The following SCMH1 variants were observed in gnomAD, a reference collection of about 807,000 sequenced individuals.
SCMH1 encodes the protein Scm polycomb group protein homolog 1, also known as polycomb protein SCMH1.
A neutral mutation model predicts 70.8 loss-of-function variants in SCMH1; 37 were observed. The observed-to-expected ratio is 0.52, with a 90% CI of 0.40 to 0.69. SCMH1 has a LOEUF of 0.69. Among genes scored for constraint, SCMH1 ranks in the 30% least tolerant of loss-of-function variants. The pLI, the probability that SCMH1 is intolerant of heterozygous loss-of-function variation, is 0.00. For missense variants in SCMH1, 607 were observed against 827.3 expected (o/e 0.73, Z 3.27); for synonymous variants, 292 against 307.4 (o/e 0.95, Z 0.52).
chr1:41,073,710 G>C (rs1284083566), intron 9 of SCMH1, among the ~76,000 whole-genome samples: 1 of 151,464 alleles, frequency 6.6e-6, no homozygotes, highest in African/African-American at 2.4e-5. Context: ...TGCATATTCT[G>C]AATATTTCCC....
At chr1:41,042,433 G>T (rs1377811240) in intron 12 of SCMH1, among the ~76,000 whole-genome samples, 1 of 152,068 alleles carries the variant, frequency 6.6e-6, no homozygotes, top group Non-Finnish European at 1.5e-5. Context: ...ATTATTAGTA[G>T]AGACAGGGTT....
intron 10 of SCMH1, among the ~76,000 whole-genome samples, chr1:41,067,628 A>G (rs1279639379): frequency 1.3e-5 from 2 of 152,190 alleles, no homozygotes; most frequent in African/African-American, 4.8e-5. Flanking sequence ...TAAACAGATC[A>G]GTGGTTGCCA....
At chr1:41,128,291 A>G (rs1475290139) in intron 6 of SCMH1, among the ~76,000 whole-genome samples, 1 of 151,900 alleles carries the variant, frequency 6.6e-6, no homozygotes, top group African/African-American at 2.4e-5. Context: ...CATTTTTTCC[A>G]TGTTATCATT....
intron 1 of SCMH1, among the ~76,000 whole-genome samples, chr1:41,200,442 T>C (rs1654051539): frequency 6.6e-6 from 1 of 151,610 alleles, no homozygotes; most frequent in South Asian, 2.1e-4. Context: ...ACTGCGCCAC[T>C]GCACTCCAGC....
At chr1:41,074,998 G>C (rs1456472427) in intron 9 of SCMH1, among the ~76,000 whole-genome samples, 1 of 152,128 alleles carries the variant, frequency 6.6e-6, no homozygotes, top group African/African-American at 2.4e-5. Context: ...GAGTAGCTGG[G>C]ACTACAGGCG....
intron 10 of SCMH1, among the ~76,000 whole-genome samples, chr1:41,058,118 CAAA>C (rs201623540): frequency 3.6e-5 from 2 of 54,858 alleles, no homozygotes; most frequent in African/African-American, 6.9e-5. Context: ...GAGATTGTCT[CAAA>C]AAAAAAAAAA....
chr1:41,190,613 G>A (rs1186470887), intron 1 of SCMH1, among the ~76,000 whole-genome samples: 2 of 152,156 alleles, frequency 1.3e-5, no homozygotes, highest in Non-Finnish European at 2.9e-5. Flanking sequence ...TCAAATCTGA[G>A]TCCTGGTTTT....
rs147888392 is a variant in SCMH1 at position 41,239,032 on chromosome 1, C to A, written c.-118+3027G>T. ...CTTATACATTTTCTCAGATTCATTT[C>A]TTTCTCTTCATCCCTATGACCACAT... On this transcript the variant is annotated intron_variant, in intron 1 of 14. Transcript: ENST00000337495. Among the ~76,000 whole-genome samples the A allele has an allele frequency of 4.2e-3, 644 of 152,260 alleles. 4 individuals are homozygous for A. Among genetic ancestry groups the A allele is most frequent in the Non-Finnish European group, 4.9e-3 (331 of 68,020 alleles).
chr1:41,180,999 G>A (rs1239878941), intron 2 of SCMH1, among the ~76,000 whole-genome samples: 1 of 152,082 alleles, frequency 6.6e-6, no homozygotes, highest in Admixed American at 6.6e-5. Flanking sequence ...CCAAAACAGA[G>A]GTATAGACCA....
chr1:41,068,507 G>A (rs768021372), intron 10 of SCMH1, among the ~76,000 whole-genome samples: 1 of 152,174 alleles, frequency 6.6e-6, no homozygotes, highest in Non-Finnish European at 1.5e-5. Flanking sequence ...CTCGGCTCAA[G>A]CAGTTCTCAT....
chr1:41,139,614 A>C (rs1276414616), intron 6 of SCMH1, among the ~76,000 whole-genome samples: 1 of 152,204 alleles, frequency 6.6e-6, no homozygotes, highest in Non-Finnish European at 1.5e-5. Context: ...CTACAGTGTA[A>C]GAATGAAGAG....
intron 1 of SCMH1, among the ~76,000 whole-genome samples, chr1:41,234,353 C>T (rs1364935899): frequency 6.6e-6 from 1 of 151,492 alleles, no homozygotes; most frequent in Non-Finnish European, 1.5e-5. Flanking sequence ...CATGAGCACA[C>T]ACCTGTAATC....
In SCMH1 at chr1:41,037,002, T is replaced by C. The variant is rs558034887; in HGVS notation, c.1678+360A>G. Among the ~76,000 whole-genome samples, 3 of 151,854 alleles carry C rather than the reference T, an allele frequency of 2.0e-5. No homozygotes were observed. The South Asian group carries it at 6.2e-4, about 31-fold the overall frequency. On this transcript the variant is annotated intron_variant, in intron 13 of 14. Coordinates refer to ENST00000337495, the Ensembl canonical transcript of SCMH1. Reference sequence around the variant, plus strand: ...CTCAAGACATTGTTTAATAATTATCTGTTTACGTGTCTCTCTCACCATAAT... The same window carrying C: ...CTCAAGACATTGTTTAATAATTATCCGTTTACGTGTCTCTCTCACCATAAT...
At chr1:41,116,441 A>G (rs1362670857) in intron 7 of SCMH1, among the ~76,000 whole-genome samples, 1 of 152,196 alleles carries the variant, frequency 6.6e-6, no homozygotes, top group African/African-American at 2.4e-5. Context: ...CCTAATTCAA[A>G]AGTATTTGTT....
chr1:41,062,740 GAAA>G (rs1292039887), intron 10 of SCMH1, among the ~76,000 whole-genome samples: 1 of 98,196 alleles, frequency 1.0e-5, no homozygotes. Context: ...CTCCATCTCA[GAAA>G]AAAAAAAAAA....
intron 1 of SCMH1, among the ~76,000 whole-genome samples, chr1:41,228,291 G>C (rs944675426): frequency 6.6e-6 from 1 of 152,160 alleles, no homozygotes; most frequent in Non-Finnish European, 1.5e-5. Context: ...TTGTTTAATG[G>C]ATAGAGTTTC....
intron 10 of SCMH1, among the ~76,000 whole-genome samples, chr1:41,065,531 G>A (rs554498063): frequency 9.8e-5 from 15 of 152,292 alleles, no homozygotes; most frequent in African/African-American, 3.6e-4. Context: ...GACCCAGAAC[G>A]AAGCCAGGAG....
chr1:41,108,431 T>A (rs1483023764), intron 8 of SCMH1, among the ~76,000 whole-genome samples: 3 of 152,240 alleles, frequency 2.0e-5, no homozygotes, highest in African/African-American at 7.2e-5. Context: ...ATGATTAGCA[T>A]CATAGTCATG....
intron 6 of SCMH1, among the ~76,000 whole-genome samples, chr1:41,136,965 A>T (rs909655715): frequency 6.6e-6 from 1 of 151,908 alleles, no homozygotes; most frequent in Non-Finnish European, 1.5e-5. Flanking sequence ...ATTTTTGTTG[A>T]GACAGGGTCT....
Sources: gnomAD v4.1 joint callset for allele counts (sites outside exome capture counted in the v4.1 genomes callset) on GRCh38, gnomAD v4.1.1 for gene constraint, MANE v1.5 for transcripts, NCBI Gene and HGNC (gene_info 2026-07-23, HGNC 2026-07-21) for gene names.